TIGAR: variants seen among roughly 807,000 people sequenced by gnomAD.
The protein encoded by TIGAR is fructose-2,6-bisphosphatase TIGAR.
A neutral mutation model predicts 17.9 loss-of-function variants in TIGAR; 7 were observed. The observed-to-expected ratio is 0.39, with a 90% CI of 0.22 to 0.73. TIGAR has a LOEUF of 0.73. Among genes scored for constraint, TIGAR ranks in the 30% least tolerant of loss-of-function variants. The pLI is 0.42. For missense variants in TIGAR, 258 were observed against 327.4 expected (o/e 0.79, Z 1.64); for synonymous variants, 94 against 108.6 (o/e 0.87, Z 0.84).
chr12:4,344,149 C>T (rs1264538760), intron 3 of TIGAR, among the ~76,000 whole-genome samples: 1 of 152,068 alleles, frequency 6.6e-6, no homozygotes, highest in Non-Finnish European at 1.5e-5. Flanking sequence ...AATTCCTCGA[C>T]ACCTACACCC....
At chr12:4,330,275 AT>A (rs1461065744) in intron 1 of TIGAR, among the ~76,000 whole-genome samples, 1 of 152,234 alleles carries the variant, frequency 6.6e-6, no homozygotes, top group East Asian at 1.9e-4. Context: ...GGAAATGCAA[AT>A]TAAAATTAAA....
Position 4,321,392 on chromosome 12 carries a change from C to T in TIGAR, c.32+89C>T. 2 of 1,561,078 alleles carry T rather than the reference C, an allele frequency of 1.3e-6. No homozygotes were observed. Among genetic ancestry groups the T allele is most frequent in the African/African-American group, 1.4e-5 (1 of 73,624 alleles). On this transcript the variant is annotated intron_variant, in intron 1 of 5. Coordinates refer to ENST00000179259, the MANE Select transcript of TIGAR (RefSeq NM_020375.3). The surrounding 1 kb of genome is among the most constrained non-coding windows in gnomAD (Gnocchi z 5.2). ...AGGGAAAACGGGTCCACCACCCTCT[C>T]CCCTCCCTGCTCGCTCCAGCCCGGG...
At position 4,359,127 on chromosome 12, in the gene TIGAR, A is replaced by G. The variant is rs1864946965; in HGVS notation, c.*6436A>G. ...ACTCTGTTTTTTTTTTCTTTAGCCA[A>G]CTCACGCCATGACTCTACTTTTGCT... On this transcript the variant is annotated 3_prime_UTR_variant, in exon 6 of 6. Transcript: ENST00000179259. Among the ~76,000 whole-genome samples, 1 of 150,934 alleles carries G rather than the reference A, an allele frequency of 6.6e-6. No homozygotes were observed. Among genetic ancestry groups the G allele is most frequent in the Admixed American group, 6.6e-5 (1 of 15,132 alleles).
chr12:4,324,889 T>G, intron 1 of TIGAR: 1 of 443,124 alleles, frequency 2.3e-6, no homozygotes, highest in Non-Finnish European at 4.0e-6. Flanking sequence ...CAAACTAAAT[T>G]TAATATACTT....
At chr12:4,327,090 G>A (rs1376927963) in intron 1 of TIGAR, among the ~76,000 whole-genome samples, 3 of 152,122 alleles carry the variant, frequency 2.0e-5, no homozygotes, top group Non-Finnish European at 2.9e-5. Flanking sequence ...AGTGACATAG[G>A]CAGGCAGTAT....
chr12:4,322,057 G>T (rs1021891435), intron 1 of TIGAR, among the ~76,000 whole-genome samples: 1 of 151,884 alleles, frequency 6.6e-6, no homozygotes, highest in Non-Finnish European at 1.5e-5. Context: ...GTGCAGTGGC[G>T]CTATCTCTGC....
At chr12:4,331,144 A>C in intron 1 of TIGAR, 136 bp from the exon 2 acceptor site, 2 of 753,494 alleles carry the variant, frequency 2.7e-6, no homozygotes, top group Non-Finnish European at 4.6e-6. Flanking sequence ...TTGTTTTTAC[A>C]GGTTGGATTA....
chr12:4,340,715 A>G (rs1199211685), intron 3 of TIGAR, among the ~76,000 whole-genome samples: 2 of 152,236 alleles, frequency 1.3e-5, no homozygotes, highest in Non-Finnish European at 2.9e-5. Context: ...CCAATAGACC[A>G]GAATAGAGAA....
At position 4,359,092 on chromosome 12, in the gene TIGAR, T is replaced by C. The variant is rs1254039623; in HGVS notation, c.*6401T>C. Among the ~76,000 whole-genome samples the C allele has an allele frequency of 8.6e-6, 1 of 116,958 alleles. No individual in the cohort carries two copies. The highest frequency in any genetic ancestry group is 1.7e-5 in the Non-Finnish European group (1 of 58,016). The allele number at this position is 116,958 out of a possible 152,430, so 76.7% of individuals were successfully genotyped here. A position where few individuals can be genotyped will look rare whatever the true frequency, so the allele number is the denominator to read the frequency against. On this transcript the variant is annotated 3_prime_UTR_variant, in exon 6 of 6. Transcript: ENST00000179259. ...CAACTACTCTTTTAGCCTTTATTGTTTATTTTCTGACTCTGTTTTTTTTTT... is the reference window on the plus strand; with the variant it reads ...CAACTACTCTTTTAGCCTTTATTGTCTATTTTCTGACTCTGTTTTTTTTTT...
Position 4,321,360 on chromosome 12 carries a change from C to T in TIGAR, c.32+57C>T. On this transcript the variant is annotated intron_variant, in intron 1 of 5. Transcript: ENST00000179259. This position sits in a 1 kb window ranked among gnomAD's most constrained non-coding sequence, Gnocchi z 5.2. ...TCTCTCTTCCTTGAGTGTGTTGGAG[C>T]GGGTGAAGGGAAAACGGGTCCACCA... 13 of 1,595,902 alleles carry T rather than the reference C, an allele frequency of 8.1e-6. No homozygotes were observed. The highest frequency in any genetic ancestry group is 1.0e-5 in the Non-Finnish European group (12 of 1,176,982).
At position 4,355,781 on chromosome 12, in the gene TIGAR, G is replaced by T. The variant is rs910739773; in HGVS notation, c.*3090G>T. Among the ~76,000 whole-genome samples, 4 of 152,218 alleles carry T rather than the reference G, an allele frequency of 2.6e-5. No homozygotes were observed. Among genetic ancestry groups the T allele is most frequent in the Non-Finnish European group, 5.9e-5 (4 of 68,042 alleles). On this transcript the variant is annotated 3_prime_UTR_variant, in exon 6 of 6. Coordinates refer to ENST00000179259, the MANE Select transcript of TIGAR (RefSeq NM_020375.3). ...TTGAGCAAAATAGGTCAGAGTAAGG[G>T]GGATGGAGACTGGTGGGAGGAATGC...
At chr12:4,350,584 T>C (rs918650911) in intron 4 of TIGAR, among the ~76,000 whole-genome samples, 8 of 152,182 alleles carry the variant, frequency 5.3e-5, no homozygotes, top group Admixed American at 3.9e-4. Context: ...GAGACCATTC[T>C]GGCTAACATG....
rs4553431 is a variant in TIGAR at position 4,323,025 on chromosome 12, G to T, written c.32+1722G>T. 1.7e-3 allele frequency among the ~76,000 whole-genome samples: 251 copies of T among 151,222 alleles called. 1 individual carries two copies. The highest frequency in any genetic ancestry group is 5.4e-3 in the African/African-American group (221 of 41,168). On this transcript the variant is annotated intron_variant, in intron 1 of 5. Transcript: ENST00000179259. ...TCACCCCTGTAATCCTAGCACGTTG[G>T]GGGGCGGAAGTGGGTGGATCCCTTG...
chr12:4,347,314 A>G (rs1253163648), intron 3 of TIGAR, among the ~76,000 whole-genome samples: 1 of 152,176 alleles, frequency 6.6e-6, no homozygotes, highest in Non-Finnish European at 1.5e-5. Context: ...CAAACTTGTC[A>G]TGTTCTCACT....
intron 3 of TIGAR, among the ~76,000 whole-genome samples, chr12:4,346,684 A>G (rs1190688386): frequency 6.6e-6 from 1 of 152,158 alleles, no homozygotes; most frequent in African/African-American, 2.4e-5. Flanking sequence ...CAGCACACCA[A>G]CATGGCACAT....
intron 3 of TIGAR, among the ~76,000 whole-genome samples, chr12:4,337,546 G>A (rs1293526434): frequency 6.6e-6 from 1 of 152,192 alleles, no homozygotes; most frequent in African/African-American, 2.4e-5. Flanking sequence ...ACCAGAGTCT[G>A]TAGGGAATTA....
Position 4,354,796 on chromosome 12 carries a change from A to T in TIGAR, c.*2105A>T, listed in dbSNP as rs1864880330. ...GCCCAGGCTGGGGTGCAATGGCGTG[A>T]TCTTGGCTCACTGCAACCTCCACCT... is the stretch of plus-strand genomic sequence containing the variant. On this transcript the variant is annotated 3_prime_UTR_variant, in exon 6 of 6. Coordinates refer to ENST00000179259, the MANE Select transcript of TIGAR (RefSeq NM_020375.3). Among the ~76,000 whole-genome samples, 1 of 138,644 alleles carries T rather than the reference A, an allele frequency of 7.2e-6. No homozygotes were observed. The highest frequency in any genetic ancestry group is 1.5e-5 in the Non-Finnish European group (1 of 65,976). 91.0% of individuals were successfully genotyped at this position (138,644 alleles called of 152,430 possible). A position where few individuals can be genotyped will look rare whatever the true frequency, so the allele number is the denominator to read the frequency against.
At chr12:4,345,517 C>G (rs2120682892) in intron 3 of TIGAR, among the ~76,000 whole-genome samples, 1 of 152,296 alleles carries the variant, frequency 6.6e-6, no homozygotes, top group African/African-American at 2.4e-5. Flanking sequence ...GAAAGGATTC[C>G]CTATTCAACA....
At position 4,358,399 on chromosome 12, in the gene TIGAR, T is replaced by G. The variant is rs999269009; in HGVS notation, c.*5708T>G. 5.9e-5 allele frequency among the ~76,000 whole-genome samples: 9 copies of G among 152,184 alleles called. No homozygotes were observed. The highest frequency in any genetic ancestry group is 2.2e-4 in the African/African-American group (9 of 41,444). ...TTGGTAATCTTTTATCTTGGATTTA[T>G]CAAACCTACAGAAAAGTTGCAAGAA... is the stretch of plus-strand genomic sequence containing the variant. On this transcript the variant is annotated 3_prime_UTR_variant, in exon 6 of 6. Coordinates refer to ENST00000179259, the MANE Select transcript of TIGAR (RefSeq NM_020375.3).
Sources: allele counts gnomAD v4.1 joint callset (sites outside exome capture counted in the v4.1 genomes callset), GRCh38; gene constraint gnomAD v4.1.1; non-coding constraint Gnocchi (gnomAD v3.1); transcripts MANE v1.5; gene names NCBI Gene and HGNC (gene_info 2026-07-23, HGNC 2026-07-21).